SH3PXD2A: variants seen among roughly 807,000 people sequenced by gnomAD.
SH3PXD2A encodes the protein SH3 and PX domains 2A.
Under a neutral mutation model 115.2 loss-of-function variants are expected in SH3PXD2A, and 32 were observed. That is an observed-to-expected ratio of 0.28 (90% CI 0.21 to 0.37). The LOEUF (loss-of-function observed/expected upper bound fraction) is 0.37, where lower values mean the gene tolerates loss of function less well. SH3PXD2A is among the 10% of genes least tolerant of loss of function. SH3PXD2A has a pLI of 1.00. For synonymous variants in SH3PXD2A, 610 were observed against 629.1 expected (o/e 0.97, Z 0.45); for missense variants, 1,328 against 1,498.7 (o/e 0.89, Z 1.88).
At chr10:103,773,381 C>T (rs1044252812) in intron 2 of SH3PXD2A, among the ~76,000 whole-genome samples, 3 of 151,980 alleles carry the variant, frequency 2.0e-5, no homozygotes. Context: ...CATCAGCGAG[C>T]ATCACAGAAG....
intron 2 of SH3PXD2A, among the ~76,000 whole-genome samples, chr10:103,799,173 C>T (rs944576241): frequency 1.3e-5 from 2 of 152,222 alleles, no homozygotes; most frequent in African/African-American, 4.8e-5. Context: ...CTCTCTTACA[C>T]AATCTCTCAG....
intron 1 of SH3PXD2A, among the ~76,000 whole-genome samples, chr10:103,804,478 C>G (rs917253374): frequency 2.0e-5 from 3 of 151,824 alleles, no homozygotes; most frequent in Admixed American, 2.0e-4. Flanking sequence ...CCCGCCACCA[C>G]GCCCGGCTAA....
chr10:103,789,289 T>G (rs964768537), intron 2 of SH3PXD2A, among the ~76,000 whole-genome samples: 1 of 152,162 alleles, frequency 6.6e-6, no homozygotes, highest in Non-Finnish European at 1.5e-5. Flanking sequence ...GTGGTCTACA[T>G]CCTGGGCTGC....
chr10:103,771,821 G>A (rs1166190302), intron 2 of SH3PXD2A, among the ~76,000 whole-genome samples: 1 of 151,440 alleles, frequency 6.6e-6, no homozygotes, highest in Non-Finnish European at 1.5e-5. Flanking sequence ...CAAGGAGCCA[G>A]GCTTCACAAC....
chr10:103,804,215 C>T (rs1474759394), intron 1 of SH3PXD2A, among the ~76,000 whole-genome samples: 2 of 151,740 alleles, frequency 1.3e-5, no homozygotes, highest in African/African-American at 4.8e-5. Context: ...ATGGCCTGAA[C>T]CAGTCTTTCA....
chr10:103,844,057 A>T (rs1842814306), intron 1 of SH3PXD2A, among the ~76,000 whole-genome samples: 1 of 152,248 alleles, frequency 6.6e-6, no homozygotes, highest in South Asian at 2.1e-4. Context: ...ATGAGTGATG[A>T]CTAAAGTCAG....
At chr10:103,767,232 TC>T in intron 2 of SH3PXD2A, 63 bp from the exon 3 acceptor site, 3 of 1,269,940 alleles carry the variant, frequency 2.4e-6, no homozygotes, top group South Asian at 1.2e-5. Flanking sequence ...CATCATCCCT[TC>T]CCCACTCACT....
intron 9 of SH3PXD2A, among the ~76,000 whole-genome samples, chr10:103,624,505 G>A (rs902997): frequency 0.73 from 110,487 of 152,056 alleles, 41,180 homozygotes; most frequent in East Asian, 0.93. Context: ...AGTGGACAAG[G>A]AAGTCTCAAC....
chr10:103,742,829 G>A (rs1171574233), intron 3 of SH3PXD2A, among the ~76,000 whole-genome samples: 1 of 152,198 alleles, frequency 6.6e-6, no homozygotes, highest in Non-Finnish European at 1.5e-5. Context: ...GAGAGAATGG[G>A]GGGGCGGGTC....
intron 2 of SH3PXD2A, among the ~76,000 whole-genome samples, chr10:103,796,438 C>T (rs1381784854): frequency 1.3e-5 from 2 of 151,668 alleles, no homozygotes; most frequent in African/African-American, 2.4e-5. Flanking sequence ...TCTTTGTTCC[C>T]TCTCCCAAGA....
intron 5 of SH3PXD2A, among the ~76,000 whole-genome samples, chr10:103,695,588 T>C (rs369865626): frequency 2.0e-4 from 30 of 151,842 alleles, no homozygotes; most frequent in African/African-American, 7.3e-4. Flanking sequence ...CAGGCCCTGG[T>C]TGGTGATTCT....
At chr10:103,853,193 AT>A (rs1247552438) in intron 1 of SH3PXD2A, among the ~76,000 whole-genome samples, 105 of 152,352 alleles carry the variant, frequency 6.9e-4, no homozygotes, top group African/African-American at 2.4e-3. Context: ...GGAAATGATC[AT>A]TTCGAGGGAA....
At position 103,819,402 on chromosome 10, in the gene SH3PXD2A, A is replaced by G. The variant is rs78733308; in HGVS notation, c.73-18040T>C. On this transcript the variant is annotated intron_variant, in intron 1 of 14. Transcript: ENST00000369774. Reference sequence around the variant, plus strand: ...TGGAAGGGTACCCTAGGCAAAAGAAACAGCATAAGCAAAGGCTGAGGGCTA... The same window carrying G: ...TGGAAGGGTACCCTAGGCAAAAGAAGCAGCATAAGCAAAGGCTGAGGGCTA... Among the ~76,000 whole-genome samples, 350 of 152,208 alleles carry G rather than the reference A, an allele frequency of 2.3e-3. 5 individuals carry two copies. The highest frequency in any genetic ancestry group is 8.3e-3 in the African/African-American group (343 of 41,536).
rs576493678 is a variant in SH3PXD2A at position 103,797,755 on chromosome 10, G to C, written c.153+3527C>G. The stretch of plus-strand genomic sequence containing the variant: ...TGTGGGGGTGAGGGGGTGGGGAAGG[G>C]CTGTGCTGATGTGGAAGCTACTGTG... On this transcript the variant is annotated intron_variant, in intron 2 of 14. Transcript: ENST00000369774. Among the ~76,000 whole-genome samples, 143 of 152,048 alleles carry C rather than the reference G, an allele frequency of 9.4e-4. 1 individual carries two copies. The highest frequency in any genetic ancestry group is 3.4e-3 in the African/African-American group (142 of 41,442).
Position 103,701,059 on chromosome 10 carries a change from C to T in SH3PXD2A, c.399-8003G>A, listed in dbSNP as rs2037889962. Among the ~76,000 whole-genome samples, 3 of 3,712 alleles carry T rather than the reference C, an allele frequency of 8.1e-4. No individual in the cohort carries two copies. The East Asian group carries it at 0.12, about 143-fold the overall frequency. The allele number at this position is 3,712 out of a possible 152,430, so 2.4% of individuals were successfully genotyped here. On this transcript the variant is annotated intron_variant, in intron 5 of 14. Transcript: ENST00000369774. ...ATCCATCCACCATCCATCCATCCAT[C>T]CATCATCCATCCATCCATCCATCAT... is the stretch of plus-strand genomic sequence containing the variant.
At chr10:103,646,520 C>T (rs1426388839) in intron 8 of SH3PXD2A, among the ~76,000 whole-genome samples, 2 of 152,276 alleles carry the variant, frequency 1.3e-5, no homozygotes, top group East Asian at 3.9e-4. Flanking sequence ...CCCACACTGA[C>T]CTGTCAATCT....
At chr10:103,678,106 G>A (rs999581561) in intron 6 of SH3PXD2A, 1 of 1,287,958 alleles carries the variant, frequency 7.8e-7, no homozygotes, top group Admixed American at 2.3e-5. Flanking sequence ...TCTCTGGCAG[G>A]ATGGACGCTA....
chr10:103,626,726 A>G (rs2036701432), intron 9 of SH3PXD2A, among the ~76,000 whole-genome samples: 1 of 151,614 alleles, frequency 6.6e-6, no homozygotes, highest in South Asian at 2.1e-4. Flanking sequence ...CAGGAGTTTG[A>G]GACCAGCCTG....
At chr10:103,687,877 C>T (rs1408582146) in intron 6 of SH3PXD2A, among the ~76,000 whole-genome samples, 2 of 152,226 alleles carry the variant, frequency 1.3e-5, no homozygotes, top group African/African-American at 4.8e-5. Context: ...CTCCCTACTG[C>T]ATCATGAGCA....
Sources: allele counts gnomAD v4.1 joint callset (sites outside exome capture counted in the v4.1 genomes callset), GRCh38; gene constraint gnomAD v4.1.1; transcripts MANE v1.5; gene names NCBI Gene and HGNC (gene_info 2026-07-23, HGNC 2026-07-21).